SYNPO2: variants seen among roughly 807,000 people sequenced by gnomAD.
The protein encoded by SYNPO2 is synaptopodin 2, also known as synaptopodin-2.
In SYNPO2, 56 loss-of-function variants were observed where a neutral mutation model predicts 85.0. That is an observed-to-expected ratio of 0.66 (90% CI 0.53 to 0.82). The LOEUF is 0.82. SYNPO2 is among the 40% of genes least tolerant of loss of function. The pLI is 0.00. For missense variants in SYNPO2, 1,575 were observed against 1,534.2 expected (o/e 1.03, Z -0.44); for synonymous variants, 602 against 591.1 (o/e 1.02, Z -0.27).
At chr4:118,858,049 T>C (rs778022943) in intron 1 of SYNPO2, among the ~76,000 whole-genome samples, 3 of 152,174 alleles carry the variant, frequency 2.0e-5, no homozygotes, top group Non-Finnish European at 4.4e-5. Flanking sequence ...TGATTCTACG[T>C]TGGTTCTCTT....
At chr4:119,011,484 ACTCAGGTAT>A (rs1474760294) in intron 1 of SYNPO2, among the ~76,000 whole-genome samples, 1 of 152,088 alleles carries the variant, frequency 6.6e-6, no homozygotes, top group Non-Finnish European at 1.5e-5. Flanking sequence ...GCTGGGGAAG[ACTCAGGTAT>A]CTCTGATGTC....
intron 1 of SYNPO2, among the ~76,000 whole-genome samples, chr4:119,013,468 G>A (rs979527654): frequency 6.6e-6 from 1 of 152,088 alleles, no homozygotes; most frequent in Non-Finnish European, 1.5e-5. Flanking sequence ...TTAAATTTAT[G>A]GGACATCATT....
intron 1 of SYNPO2, among the ~76,000 whole-genome samples, chr4:118,858,427 T>C (rs892410962): frequency 6.6e-6 from 1 of 152,244 alleles, no homozygotes; most frequent in Non-Finnish European, 1.5e-5. Flanking sequence ...CTAGAAACGC[T>C]GATGGATTCC....
chr4:118,939,097 C>A (rs1209900319), intron 1 of SYNPO2, among the ~76,000 whole-genome samples: 6 of 152,022 alleles, frequency 3.9e-5, no homozygotes, highest in Non-Finnish European at 5.9e-5. Flanking sequence ...AAATGAGGCA[C>A]CGAATTTAAA....
At chr4:119,043,450 A>C (rs1163809679) in intron 4 of SYNPO2, 2 of 152,208 alleles carry the variant, frequency 1.3e-5, no homozygotes, top group Non-Finnish European at 2.9e-5. Context: ...ATTGTTTAAC[A>C]ATTGTAATAG....
At chr4:118,913,563 T>TTG (rs10686830) in intron 1 of SYNPO2, among the ~76,000 whole-genome samples, 18,452 of 147,248 alleles carry the variant, frequency 0.13, 1,107 homozygotes, top group African/African-American at 0.13. Context: ...CATTTATTGT[T>TTG]TGTGTGTGTG....
At chr4:118,880,082 C>T (rs1732052138) in intron 1 of SYNPO2, among the ~76,000 whole-genome samples, 1 of 152,188 alleles carries the variant, frequency 6.6e-6, no homozygotes, top group South Asian at 2.1e-4. Flanking sequence ...AACTGGGAAT[C>T]ACTGTTACCA....
intron 4 of SYNPO2, chr4:119,034,914 T>C: frequency 2.0e-6 from 2 of 985,496 alleles, no homozygotes; most frequent in Non-Finnish European, 2.4e-6. Flanking sequence ...ATTAGCTTGA[T>C]TGGTTGGTCC....
intron 1 of SYNPO2, among the ~76,000 whole-genome samples, chr4:119,016,339 C>T (rs1737524075): frequency 1.3e-5 from 2 of 151,612 alleles, no homozygotes; most frequent in Non-Finnish European, 2.9e-5. Context: ...ATTGCTTGAA[C>T]CTGGGAGGCA....
At chr4:118,870,284 C>T (rs1439307847) in intron 1 of SYNPO2, among the ~76,000 whole-genome samples, 2 of 152,218 alleles carry the variant, frequency 1.3e-5, no homozygotes, top group Non-Finnish European at 2.9e-5. Flanking sequence ...AGCTTGGGAT[C>T]CTTCCCCCTT....
rs549880220 is a variant in SYNPO2, at chr4:118,977,264, C to T, written c.106-46166C>T. On this transcript the variant is annotated intron_variant, in intron 1 of 4. Coordinates refer to ENST00000307142, the MANE Select transcript of SYNPO2 (RefSeq NM_133477.3). ...GGTGGGCCAGCACTGCTGGGGGACT[C>T]AGTACACCCTCTGCAGCCACTGGCC... is the stretch of plus-strand genomic sequence containing the variant. 3.3e-5 allele frequency among the ~76,000 whole-genome samples: 5 copies of T among 152,358 alleles called. No individual in the cohort carries two copies. The South Asian group carries it at 6.2e-4, about 19-fold the overall frequency.
In SYNPO2 at chr4:119,013,669, T is replaced by C. The variant is rs1054807130; in HGVS notation, c.106-9761T>C. ...TGTGAATATGACAGCATCCCAATAC[T>C]TAAAGACTTCTCTGATGAGATCATT... On this transcript the variant is annotated intron_variant, in intron 1 of 4. Transcript: ENST00000307142. 2.6e-5 allele frequency among the ~76,000 whole-genome samples: 4 copies of C among 152,244 alleles called. No individual in the cohort carries two copies. The East Asian group carries it at 7.7e-4, about 29-fold the overall frequency.
chr4:119,036,798 C>T, intron 4 of SYNPO2: 1 of 1,012,474 alleles, frequency 9.9e-7, no homozygotes, highest in Non-Finnish European at 1.2e-6. Flanking sequence ...CTACCTGGCA[C>T]TTGGAAATCA....
chr4:118,930,751 CAAA>C (rs3051232), intron 1 of SYNPO2, among the ~76,000 whole-genome samples: 2,163 of 119,984 alleles, frequency 0.018, 22 homozygotes, highest in Non-Finnish European at 0.024. Flanking sequence ...CCCATATCTA[CAAA>C]AAAAAAAAAA....
rs1731677253 is a variant in SYNPO2 at position 118,865,077 on chromosome 4, T to G, written c.12+14137T>G. Among the ~76,000 whole-genome samples, 4 of 152,178 alleles carry G rather than the reference T, an allele frequency of 2.6e-5. 1 individual carries two copies. The South Asian group carries it at 8.3e-4, about 32-fold the overall frequency. On this transcript the variant is annotated intron_variant, in intron 1 of 4. Coordinates refer to the SYNPO2 transcript ENST00000610556. Reference sequence around the variant, plus strand: ...GGAATATGTTGGAATTAATAAAACTTGGAAATTTGAAGGTGGGAATTTGTG... The same window carrying G: ...GGAATATGTTGGAATTAATAAAACTGGGAAATTTGAAGGTGGGAATTTGTG...
chr4:118,992,558 A>G (rs186043421), intron 1 of SYNPO2, among the ~76,000 whole-genome samples: 2 of 152,252 alleles, frequency 1.3e-5, no homozygotes, highest in Admixed American at 1.3e-4. Flanking sequence ...TATTATTAGG[A>G]AATAGTTTTG....
rs59327133 is a variant in SYNPO2 at position 119,007,253 on chromosome 4, CATATATAT to C, written c.106-16162_106-16155del. On this transcript the variant is annotated intron_variant, in intron 1 of 4. Transcript: ENST00000307142. ...ATATATATATATATATATGTATATACATATATATATATATATATATATGTATATACATA... is the reference window on the plus strand; with the variant it reads ...ATATATATATATATATATGTATATACATATATATATATATGTATATACATA... Among the ~76,000 whole-genome samples, 218 of 38,096 alleles carry C rather than the reference CATATATAT, an allele frequency of 5.7e-3. 8 individuals carry two copies. Among genetic ancestry groups the C allele is most frequent in the East Asian group, 0.039 (46 of 1,170 alleles). 25.0% of individuals were successfully genotyped at this position (38,096 alleles called of 152,430 possible).
At chr4:118,978,721 G>C (rs1007966493) in intron 1 of SYNPO2, among the ~76,000 whole-genome samples, 8 of 151,682 alleles carry the variant, frequency 5.3e-5, no homozygotes, top group Admixed American at 1.3e-4. Context: ...TTTGAGAAAT[G>C]ATGCCAGGAC....
At chr4:118,909,136 C>T (rs943147783) in intron 1 of SYNPO2, among the ~76,000 whole-genome samples, 20 of 152,078 alleles carry the variant, frequency 1.3e-4, no homozygotes, top group Admixed American at 2.6e-4. Context: ...TATGTACCCT[C>T]GAACATCCTT....
Sources: allele counts gnomAD v4.1 joint callset (sites outside exome capture counted in the v4.1 genomes callset), GRCh38; gene constraint gnomAD v4.1.1; transcripts MANE v1.5; gene names NCBI Gene and HGNC (gene_info 2026-07-23, HGNC 2026-07-21).